The following KHDRBS2 variants were observed in gnomAD, a reference collection of about 807,000 sequenced individuals.
The protein encoded by KHDRBS2 is KH RNA binding domain containing, signal transduction associated 2, also known as KH domain-containing, RNA-binding, signal transduction-associated protein 2.
In KHDRBS2, 26 loss-of-function variants were observed where a neutral mutation model predicts 44.3. That is an observed-to-expected ratio of 0.59 (90% confidence interval 0.43 to 0.81). KHDRBS2 has a LOEUF of 0.81. Ranked by LOEUF, KHDRBS2 falls within the 40% of genes least tolerant of loss-of-function variation. The pLI is 0.00. For synonymous variants in KHDRBS2, 194 were observed against 151.1 expected, an observed-to-expected ratio of 1.28 and a Z score of -2.08; for missense variants, 476 against 433.1, an observed-to-expected ratio of 1.10 and a Z score of -0.88.
At chr6:62,180,408 T>A (rs1453379992) in intron 1 of KHDRBS2, among the ~76,000 whole-genome samples, 1 of 151,542 alleles carries the variant, frequency 6.6e-6, no homozygotes, top group South Asian at 2.1e-4. Context: ...CAACAAACTA[T>A]CCAAAAAAGA....
intron 2 of KHDRBS2, among the ~76,000 whole-genome samples, chr6:62,123,015 A>G (rs1408903419): frequency 1.3e-5 from 2 of 152,070 alleles, no homozygotes; most frequent in African/African-American, 4.8e-5. Context: ...CTTGAGATTT[A>G]CATTAAGTGT....
chr6:61,804,150 A>C (rs1258030837), intron 6 of KHDRBS2, among the ~76,000 whole-genome samples: 1 of 152,114 alleles, frequency 6.6e-6, no homozygotes, highest in African/African-American at 2.4e-5. Flanking sequence ...ATCAAAAGCA[A>C]GTTAGTTACT....
chr6:61,665,838 A>T, the KHDRBS2 span, among the ~76,000 whole-genome samples: 3 of 151,062 alleles, frequency 2.0e-5, no homozygotes, highest in Non-Finnish European at 4.4e-5. Context: ...ATGAATAGTT[A>T]TCAACAAATT....
chr6:62,214,241 A>G (rs1419236873), intron 1 of KHDRBS2, among the ~76,000 whole-genome samples: 2 of 152,148 alleles, frequency 1.3e-5, no homozygotes, highest in Admixed American at 6.5e-5. Context: ...TTTCAACCAC[A>G]GTATAGACAT....
intron 1 of KHDRBS2, among the ~76,000 whole-genome samples, chr6:62,224,664 A>ATTTAAAATT (rs1831467382): frequency 6.6e-6 from 1 of 152,208 alleles, no homozygotes; most frequent in African/African-American, 2.4e-5. Context: ...TTAAAAAGGT[A>ATTTAAAATT]TCAGTCCAAT....
At chr6:61,729,210 A>G (rs955782283) in intron 7 of KHDRBS2, among the ~76,000 whole-genome samples, 1 of 152,138 alleles carries the variant, frequency 6.6e-6, no homozygotes, top group Admixed American at 6.6e-5. Context: ...CATTATCCTT[A>G]GCAAACTAAC....
chr6:62,008,430 A>G (rs1263507467), intron 3 of KHDRBS2, among the ~76,000 whole-genome samples: 2 of 152,222 alleles, frequency 1.3e-5, no homozygotes, highest in Non-Finnish European at 2.9e-5. Context: ...ATATATGTAC[A>G]TAACTTTTAG....
chr6:62,168,223 G>A (rs1301039927), intron 2 of KHDRBS2, among the ~76,000 whole-genome samples: 1 of 152,114 alleles, frequency 6.6e-6, no homozygotes, highest in Admixed American at 6.6e-5. Flanking sequence ...CCAAATTTGG[G>A]GCAGTTTTAC....
rs190173634 is a variant in KHDRBS2, at chr6:61,818,248, A to G, written c.810+76387T>C. On this transcript the variant is annotated intron_variant, in intron 6 of 8. Transcript: ENST00000281156. ...AATTGTTAAAATCAGAATATTGGGC[A>G]GAGAAAACCTCTGTAAGTAAAAAAA... is the stretch of plus-strand genomic sequence containing the variant. 2.7e-4 allele frequency among the ~76,000 whole-genome samples: 38 copies of G among 143,176 alleles called. 1 individual carries two copies. In the East Asian group the frequency reaches 6.1e-3, roughly 23 times the overall value. 93.9% of individuals were successfully genotyped at this position (143,176 alleles called of 152,430 possible).
intron 2 of KHDRBS2, among the ~76,000 whole-genome samples, chr6:62,085,473 A>G (rs1798211983): frequency 6.6e-6 from 1 of 152,084 alleles, no homozygotes; most frequent in South Asian, 2.1e-4. Context: ...TGAGTTTCAG[A>G]AAAAAAAGGA....
chr6:61,903,045 T>C (rs1425497032), intron 4 of KHDRBS2, among the ~76,000 whole-genome samples: 1 of 152,232 alleles, frequency 6.6e-6, no homozygotes, highest in Non-Finnish European at 1.5e-5. Context: ...AAAAGAGACA[T>C]AGAGTAGAAA....
chr6:61,598,771 A>T, the KHDRBS2 span, among the ~76,000 whole-genome samples: 1 of 149,484 alleles, frequency 6.7e-6, no homozygotes, highest in Non-Finnish European at 1.5e-5. Context: ...AATCAAAGCT[A>T]GGCTGCAGCA....
chr6:62,117,847 C>T (rs949035380), intron 2 of KHDRBS2, among the ~76,000 whole-genome samples: 4 of 152,072 alleles, frequency 2.6e-5, no homozygotes, highest in African/African-American at 9.7e-5. Flanking sequence ...GTGATCTCAG[C>T]TCACTGAAAC....
chr6:61,784,765 A>T (rs1261194200), intron 6 of KHDRBS2, among the ~76,000 whole-genome samples: 1 of 152,160 alleles, frequency 6.6e-6, no homozygotes, highest in Non-Finnish European at 1.5e-5. Flanking sequence ...CTAAATCTAC[A>T]TGTATCCGTA....
intron 6 of KHDRBS2, among the ~76,000 whole-genome samples, chr6:61,736,782 T>A (rs1395675308): frequency 6.6e-6 from 1 of 151,992 alleles, no homozygotes. Context: ...TCTTTAGAAA[T>A]CTTTTCCTGC....
At chr6:61,810,175 C>A (rs184208659) in intron 6 of KHDRBS2, among the ~76,000 whole-genome samples, 1 of 152,084 alleles carries the variant, frequency 6.6e-6, no homozygotes, top group Admixed American at 6.6e-5. Flanking sequence ...GAGTGTCCTG[C>A]AATGGCCTCT....
At chr6:61,974,321 A>T (rs1254237360) in intron 4 of KHDRBS2, among the ~76,000 whole-genome samples, 4 of 152,132 alleles carry the variant, frequency 2.6e-5, no homozygotes, top group Non-Finnish European at 4.4e-5. Context: ...CATATGTGGC[A>T]ATCCTGGTGT....
At position 61,769,626 on chromosome 6, in the gene KHDRBS2, T is replaced by G. The variant is rs866916118; in HGVS notation, c.811-36862A>C. 3.6e-3 allele frequency among the ~76,000 whole-genome samples: 543 copies of G among 151,788 alleles called. 5 individuals are homozygous for G. Among genetic ancestry groups the G allele is most frequent in the African/African-American group, 0.013 (531 of 41,436 alleles). ...TCAAACTGCAAGGCGGCAGCGAGGC[T>G]GGGGGGGCGGCGCCCGCCATTGCCG... On this transcript the variant is annotated intron_variant, in intron 6 of 8. Transcript: ENST00000281156.
At chr6:61,619,491 G>T in the KHDRBS2 span, among the ~76,000 whole-genome samples, 1 of 152,104 alleles carries the variant, frequency 6.6e-6, no homozygotes, top group Non-Finnish European at 1.5e-5. Flanking sequence ...TTTCACTCTT[G>T]TTGCCCAGGC....
Sources: allele counts gnomAD v4.1 joint callset (sites outside exome capture counted in the v4.1 genomes callset), GRCh38; gene constraint gnomAD v4.1.1; transcripts MANE v1.5; gene names NCBI Gene and HGNC (gene_info 2026-07-23, HGNC 2026-07-21).